THAP1: variants seen among roughly 807,000 people sequenced by gnomAD.
THAP1 encodes THAP domain containing 1.
In THAP1, 6 loss-of-function variants were observed where a neutral mutation model predicts 18.2. That is an observed-to-expected ratio of 0.33 (90% CI 0.18 to 0.65). The LOEUF is 0.65. Ranked by LOEUF, THAP1 falls within the 30% of genes least tolerant of loss-of-function variation. THAP1 has a pLI of 0.74. For synonymous variants in THAP1, 85 were observed against 90.5 expected (o/e 0.94, Z 0.34); for missense variants, 176 against 253.0 (o/e 0.70, Z 2.06).
At position 42,837,812 on chromosome 8, in the gene THAP1, T is replaced by C. The variant is rs1802642394; in HGVS notation, c.*150A>G. ...TTACAAACAAAAAAATTTATAATTT[T>C]ACAGTATATATAGAATTTTTTTTAA... is the stretch of plus-strand genomic sequence containing the variant. On this transcript the variant is annotated 3_prime_UTR_variant, in exon 3 of 3. Coordinates refer to ENST00000254250, the MANE Select transcript of THAP1 (RefSeq NM_018105.3). 1.4e-6 allele frequency: 1 copy of C among 709,212 alleles called. No homozygotes were observed. The highest frequency in any genetic ancestry group is 2.0e-6 in the Non-Finnish European group (1 of 505,388). 43.9% of individuals were successfully genotyped at this position (709,212 alleles called of 1,614,324 possible).
At position 42,837,119 on chromosome 8, in the gene THAP1, CAG is replaced by C. The variant is rs1802627625; in HGVS notation, c.*841_*842del. The C allele has an allele frequency of 6.6e-6, 1 of 152,136 alleles. No homozygotes were observed. Among genetic ancestry groups the C allele is most frequent in the Non-Finnish European group, 1.5e-5 (1 of 68,038 alleles). 9.4% of individuals were successfully genotyped at this position (152,136 alleles called of 1,614,324 possible). ...AGCACATTTGTCAGAGACTTGAAGG[CAG>C]ATACATAACTACAGCTGGGGAACTG... On this transcript the variant is annotated 3_prime_UTR_variant, in exon 3 of 3. Coordinates refer to ENST00000254250, the MANE Select transcript of THAP1 (RefSeq NM_018105.3).
chr8:42,839,157 G>C, intron 2 of THAP1, 29 bp downstream of exon 2: 7 of 1,612,202 alleles, frequency 4.3e-6, no homozygotes, highest in Non-Finnish European at 5.9e-6. Flanking sequence ...TAAACAAAAA[G>C]CAACCCAATA....
At chr8:42,838,895 A>G (rs1476788903) in intron 2 of THAP1, among the ~76,000 whole-genome samples, 2 of 152,208 alleles carry the variant, frequency 1.3e-5, no homozygotes, top group Non-Finnish European at 2.9e-5. Flanking sequence ...GGAGAAAAAA[A>G]TGCTTTGAAA....
chr8:42,837,731 T>C lies in THAP1; in HGVS notation c.*231A>G. 6.4e-6 allele frequency: 2 copies of C among 310,502 alleles called. No individual in the cohort carries two copies. Among genetic ancestry groups the C allele is most frequent in the Non-Finnish European group, 1.1e-5 (2 of 178,354 alleles). The allele number at this position is 310,502 out of a possible 1,614,324, so 19.2% of individuals were successfully genotyped here. A position where few individuals can be genotyped will look rare whatever the true frequency, so the allele number is the denominator to read the frequency against. ...TCTTGAAACCAACTTACATTAGAGG[T>C]CTGAGGTTAGTTTATAACTTTTAAA... On this transcript the variant is annotated 3_prime_UTR_variant, in exon 3 of 3. Transcript: ENST00000254250.
At chr8:42,842,066 C>A (rs1466227711) in intron 1 of THAP1, among the ~76,000 whole-genome samples, 1 of 152,154 alleles carries the variant, frequency 6.6e-6, no homozygotes, top group Admixed American at 6.5e-5. Context: ...TAGCTAATTA[C>A]CTATGGCTAA....
intron 1 of THAP1, among the ~76,000 whole-genome samples, chr8:42,841,234 G>C (rs1305105095): frequency 6.6e-6 from 1 of 150,838 alleles, no homozygotes; most frequent in African/African-American, 2.4e-5. Flanking sequence ...ATAAGATGCA[G>C]GTTAGCCCTT....
chr8:42,837,895 C>G lies in THAP1; in HGVS notation c.*67G>C, dbSNP rs548595515. The G allele has an allele frequency of 2.3e-5, 36 of 1,532,440 alleles. No homozygotes were observed. The South Asian group carries it at 4.0e-4, about 17-fold the overall frequency. The allele number at this position is 1,532,440 out of a possible 1,614,324, so 94.9% of individuals were successfully genotyped here. ...TCAAATGTTATTTTTTTAAATGAAA[C>G]TCCTTTACAGGCTAGAGGAGGATAT... On this transcript the variant is annotated 3_prime_UTR_variant, in exon 3 of 3. Coordinates refer to ENST00000254250, the MANE Select transcript of THAP1 (RefSeq NM_018105.3).
chr8:42,839,434 G>C, intron 1 of THAP1, 53 bp from the exon 2 acceptor site: 1 of 1,594,494 alleles, frequency 6.3e-7, no homozygotes, highest in Non-Finnish European at 8.6e-7. Context: ...AATAAATAAA[G>C]GCACCCAAAC....
intron 1 of THAP1, among the ~76,000 whole-genome samples, chr8:42,841,980 A>C (rs866720475): frequency 4.6e-5 from 7 of 152,210 alleles, no homozygotes; most frequent in African/African-American, 1.4e-4. Flanking sequence ...ATGGCCCCAC[A>C]GCAAAAAAAT....
In THAP1 at chr8:42,843,171, T is replaced by A; in HGVS notation, c.-77A>T. ...CTGTTCTCAGTGTCGCTGCGCTCGG[T>A]TGGATTCCCTCGCTTCTTTTGTAGC... is the stretch of plus-strand genomic sequence containing the variant. On this transcript the variant is annotated 5_prime_UTR_variant, in exon 1 of 3. Transcript: ENST00000254250. The A allele has an allele frequency of 6.4e-7, 1 of 1,565,640 alleles. No individual in the cohort carries two copies. Among genetic ancestry groups the A allele is most frequent in the Non-Finnish European group, 8.8e-7 (1 of 1,138,056 alleles).
In THAP1 at chr8:42,837,815, A is replaced by G. The variant is rs1456684001; in HGVS notation, c.*147T>C. On this transcript the variant is annotated 3_prime_UTR_variant, in exon 3 of 3. Transcript: ENST00000254250. ...CAAACAAAAAAATTTATAATTTTAC[A>G]GTATATATAGAATTTTTTTTAAAAA... 5.6e-6 allele frequency: 4 copies of G among 712,046 alleles called. No homozygotes were observed. The highest frequency in any genetic ancestry group is 4.0e-5 in the Admixed American group (1 of 24,820). 44.1% of individuals were successfully genotyped at this position (712,046 alleles called of 1,614,324 possible). A position where few individuals can be genotyped will look rare whatever the true frequency, so the allele number is the denominator to read the frequency against.
At chr8:42,839,514 G>A (rs906207354) in intron 1 of THAP1, 133 bp from the exon 2 acceptor site, 4 of 935,206 alleles carry the variant, frequency 4.3e-6, no homozygotes, top group Non-Finnish European at 6.4e-6. Context: ...TTGGATTAAA[G>A]ATTAGCTCTA....
intron 1 of THAP1, among the ~76,000 whole-genome samples, chr8:42,840,654 G>C (rs1327368186): frequency 6.6e-6 from 1 of 152,178 alleles, no homozygotes; most frequent in Non-Finnish European, 1.5e-5. Flanking sequence ...GAGGGTGGGA[G>C]AAGTGGTACT....
Position 42,838,315 on chromosome 8 carries a change from G to C in THAP1, c.289C>G (p.Gln97Glu). 6.2e-7 allele frequency: 1 copy of C among 1,613,958 alleles called. No individual in the cohort carries two copies. Among genetic ancestry groups the C allele is most frequent in the Non-Finnish European group, 8.5e-7 (1 of 1,179,914 alleles). The change falls in exon 3 of 3, where the codon CAG (glutamine) becomes GAG (glutamate). Residue 97 changes from glutamine (Q) to glutamate (E), a missense_variant. Physicochemically the swap from Gln to Glu is conservative, Grantham distance 29 (BLOSUM62 2). Transcript: ENST00000254250. Reference protein sequence around the residue: ...HDKKEDLLEPQEQLPPPPLPP... With the variant: ...HDKKEDLLEPEEQLPPPPLPP... ...AAAGGAGGTGGGGGAAGCTGTTCCT[G>C]TGGCTCCAGAAGATCTTCTTTCTAA...
At position 42,836,710 on chromosome 8, in the gene THAP1, T is replaced by G. The variant is rs574487492; in HGVS notation, c.*1252A>C. 1 of 152,786 alleles carries G rather than the reference T, an allele frequency of 6.5e-6. No individual in the cohort carries two copies. Among genetic ancestry groups the G allele is most frequent in the Non-Finnish European group, 1.5e-5 (1 of 68,040 alleles). 9.5% of individuals were successfully genotyped at this position (152,786 alleles called of 1,614,324 possible). On this transcript the variant is annotated 3_prime_UTR_variant, in exon 3 of 3. Transcript: ENST00000254250. ...CACACCTTTAATACTGTCTTAAAGG[T>G]TCTATTGCTCTTCAACGATCTTAGT...
In THAP1 at chr8:42,838,172, G is replaced by A. The variant is rs758926260; in HGVS notation, c.432C>T (p.His144=). Reference sequence around the variant, plus strand: ...CTAGCTGATGAATCCTTTTCCGCTGGTGCATTGTATCCTCCACAGTATAGT... The same window carrying A: ...CTAGCTGATGAATCCTTTTCCGCTGATGCATTGTATCCTCCACAGTATAGT... The part of the protein sequence containing the change: ...DHNYTVEDTM[H]QRKRIHQLEQ... The change falls in exon 3 of 3, where the codon CAC becomes CAT. Residue 144 remains histidine, a synonymous_variant. Transcript: ENST00000254250. The A allele has an allele frequency of 3.1e-6, 5 of 1,614,052 alleles. No homozygotes were observed. The highest frequency in any genetic ancestry group is 4.2e-6 in the Non-Finnish European group (5 of 1,180,030).
rs901019051 is a variant in THAP1, at chr8:42,837,334, AAATCCACTCTTAG to A, written c.*615_*627del. On this transcript the variant is annotated 3_prime_UTR_variant, in exon 3 of 3. Transcript: ENST00000254250. ...AAATAGGAGCCCATGTAAAAAAAAAAAATCCACTCTTAGAATCTGAAGTTATTGATCAGATATG... is the reference window on the plus strand; with the variant it reads ...AAATAGGAGCCCATGTAAAAAAAAAAAATCTGAAGTTATTGATCAGATATG... 1.3e-5 allele frequency: 2 copies of A among 152,206 alleles called. No individual in the cohort carries two copies. Among genetic ancestry groups the A allele is most frequent in the Non-Finnish European group, 2.9e-5 (2 of 68,042 alleles). The allele number at this position is 152,206 out of a possible 1,614,324, so 9.4% of individuals were successfully genotyped here.
intron 1 of THAP1, 185 bp downstream of exon 1, chr8:42,842,839 C>T (rs1159366073): frequency 2.2e-5 from 6 of 276,454 alleles, no homozygotes; most frequent in Non-Finnish European, 1.2e-5. Context: ...CGCGGCGACG[C>T]GCGCCGAGAA....
In THAP1 at chr8:42,843,232, G is replaced by C. The variant is rs1296483618; in HGVS notation, c.-138C>G. The C allele has an allele frequency of 9.9e-7, 1 of 1,009,536 alleles. No individual in the cohort carries two copies. Among genetic ancestry groups the C allele is most frequent in the Non-Finnish European group, 1.5e-6 (1 of 648,480 alleles). The allele number at this position is 1,009,536 out of a possible 1,614,324, so 62.5% of individuals were successfully genotyped here. ...AGTTACAGTGATGGTGGCCTCCCTC[G>C]GGGGTGACTAGTGTGCCCGTTTTGT... On this transcript the variant is annotated 5_prime_UTR_variant, in exon 1 of 3. Coordinates refer to ENST00000254250, the MANE Select transcript of THAP1 (RefSeq NM_018105.3).
Sources: allele counts gnomAD v4.1 joint callset (sites outside exome capture counted in the v4.1 genomes callset), GRCh38; gene constraint gnomAD v4.1.1; transcripts MANE v1.5; gene names NCBI Gene and HGNC (gene_info 2026-07-23, HGNC 2026-07-21).